The following MACROD2 variants were observed in gnomAD, a reference collection of about 807,000 sequenced individuals.
The protein encoded by MACROD2 is ADP-ribose glycohydrolase MACROD2.
MACROD2 carries 36 observed loss-of-function variants against 70.4 expected under a neutral mutation model. The observed-to-expected ratio is 0.51, with a 90% CI of 0.39 to 0.68. The LOEUF is 0.68. Among genes scored for constraint, MACROD2 ranks in the 30% least tolerant of loss-of-function variants. The pLI, the probability that MACROD2 is intolerant of heterozygous loss-of-function variation, is 0.00. For synonymous variants in MACROD2, 172 were observed against 178.8 expected (o/e 0.96, Z 0.30); for missense variants, 496 against 538.4 (o/e 0.92, Z 0.78).
chr20:14,721,055 G>A lies in MACROD2; in HGVS notation c.418+36096G>A, dbSNP rs987833725. On this transcript the variant is annotated intron_variant, in intron 5 of 17. Coordinates refer to ENST00000684519, the MANE Select transcript of MACROD2 (RefSeq NM_001351661.2). ...GGGTTGCTTGAGCTCGGGAGTTAGC[G>A]ACCAGCCTGGGCAACACGATGAAAC... is the stretch of plus-strand genomic sequence containing the variant. Among the ~76,000 whole-genome samples, 13 of 151,922 alleles carry A rather than the reference G, an allele frequency of 8.6e-5. No homozygotes were observed. In the East Asian group the frequency reaches 1.4e-3, roughly 16 times the overall value.
chr20:14,684,623 C>G (rs2070976449), intron 4 of MACROD2, among the ~76,000 whole-genome samples: 1 of 149,158 alleles, frequency 6.7e-6, no homozygotes, highest in Non-Finnish European at 1.5e-5. Context: ...TATAACCCTT[C>G]TACTTCTGTT....
intron 5 of MACROD2, among the ~76,000 whole-genome samples, chr20:15,003,734 G>T (rs972279934): frequency 1.3e-5 from 2 of 152,094 alleles, no homozygotes; most frequent in African/African-American, 4.8e-5. Flanking sequence ...CTAATGTAAG[G>T]CTACAGGCTG....
intron 3 of MACROD2, among the ~76,000 whole-genome samples, chr20:14,347,059 A>G (rs927759650): frequency 2.6e-5 from 4 of 152,202 alleles, no homozygotes; most frequent in Non-Finnish European, 4.4e-5. Context: ...GTCAGCAACA[A>G]TTTAACCAAT....
At chr20:14,856,418 A>G (rs1392647608) in intron 5 of MACROD2, among the ~76,000 whole-genome samples, 1 of 152,198 alleles carries the variant, frequency 6.6e-6, no homozygotes, top group Non-Finnish European at 1.5e-5. Flanking sequence ...TATAAAAGCT[A>G]TCTGAGCATT....
chr20:15,582,375 G>A (rs2048537374), intron 8 of MACROD2, among the ~76,000 whole-genome samples: 1 of 152,144 alleles, frequency 6.6e-6, no homozygotes, highest in Admixed American at 6.5e-5. Context: ...TAGACCCTGG[G>A]AGGCATGTCA....
At chr20:15,227,823 GTTTTTTTTTTTTT>G (rs59129207) in intron 5 of MACROD2, among the ~76,000 whole-genome samples, 5 of 46,092 alleles carry the variant, frequency 1.1e-4, no homozygotes, top group African/African-American at 2.9e-4. Context: ...AATTTCACCT[GTTTTTTTTTTTTT>G]TTTTTTTTTT....
chr20:15,097,011 C>T (rs1251556732), intron 5 of MACROD2, among the ~76,000 whole-genome samples: 1 of 151,802 alleles, frequency 6.6e-6, no homozygotes, highest in African/African-American at 2.4e-5. Context: ...AGGGTTTCAC[C>T]ACATTGGCCA....
chr20:14,990,052 A>C (rs2074887617), intron 5 of MACROD2, among the ~76,000 whole-genome samples: 2 of 152,090 alleles, frequency 1.3e-5, no homozygotes, highest in South Asian at 4.1e-4. Flanking sequence ...AGTTTTTACA[A>C]GTAGCCGGCA....
At chr20:15,125,550 G>A (rs1176542255) in intron 5 of MACROD2, among the ~76,000 whole-genome samples, 1 of 151,984 alleles carries the variant, frequency 6.6e-6, no homozygotes, top group Non-Finnish European at 1.5e-5. Context: ...TTTCTGCTGA[G>A]GAAAGTAGGG....
At chr20:15,505,058 G>T (rs1175976545) in intron 8 of MACROD2, among the ~76,000 whole-genome samples, 1 of 152,130 alleles carries the variant, frequency 6.6e-6, no homozygotes, top group East Asian at 1.9e-4. Flanking sequence ...CTACCCCAGG[G>T]ACTCATATGG....
At chr20:15,313,448 A>G (rs1195703220) in intron 6 of MACROD2, among the ~76,000 whole-genome samples, 1 of 148,938 alleles carries the variant, frequency 6.7e-6, no homozygotes, top group East Asian at 2.0e-4. Flanking sequence ...CGGATCTTGC[A>G]GTGAGCCAAG....
At chr20:15,321,961 T>G (rs1230714962) in intron 6 of MACROD2, among the ~76,000 whole-genome samples, 1 of 143,086 alleles carries the variant, frequency 7.0e-6, no homozygotes, top group Non-Finnish European at 1.6e-5. Context: ...CCCAGCTAAT[T>G]ATTGTATTTT....
At chr20:14,394,981 T>A (rs936970592) in intron 3 of MACROD2, among the ~76,000 whole-genome samples, 1 of 152,284 alleles carries the variant, frequency 6.6e-6, no homozygotes, top group Admixed American at 6.5e-5. Context: ...AATATATTGT[T>A]GGATATGATT....
At chr20:15,684,739 A>G (rs1038700671) in intron 8 of MACROD2, among the ~76,000 whole-genome samples, 5 of 152,216 alleles carry the variant, frequency 3.3e-5, no homozygotes, top group Non-Finnish European at 5.9e-5. Context: ...GTAGGAGGAG[A>G]TATAGTATGC....
At chr20:14,907,684 A>C (rs2073975689) in intron 5 of MACROD2, among the ~76,000 whole-genome samples, 1 of 152,212 alleles carries the variant, frequency 6.6e-6, no homozygotes, top group African/African-American at 2.4e-5. Flanking sequence ...ATTGTGCAGA[A>C]TTAAGTATGG....
intron 9 of MACROD2, among the ~76,000 whole-genome samples, chr20:15,871,391 T>TAAG (rs2064581562): frequency 6.6e-6 from 1 of 152,142 alleles, no homozygotes; most frequent in African/African-American, 2.4e-5. Flanking sequence ...ACTGATTTTA[T>TAAG]AAGTTTATCT....
At chr20:14,166,676 G>C (rs2148721121) in intron 3 of MACROD2, among the ~76,000 whole-genome samples, 1 of 152,020 alleles carries the variant, frequency 6.6e-6, no homozygotes, top group South Asian at 2.1e-4. Flanking sequence ...AGAGACTTGG[G>C]CTCACCTTCC....
chr20:15,964,149 A>T (rs1321068347), intron 12 of MACROD2, among the ~76,000 whole-genome samples: 3 of 152,252 alleles, frequency 2.0e-5, no homozygotes, highest in Non-Finnish European at 4.4e-5. Context: ...AGAGTTGTAT[A>T]TGCAACTACA....
At chr20:15,220,424 G>A (rs965207396) in intron 5 of MACROD2, among the ~76,000 whole-genome samples, 13 of 152,172 alleles carry the variant, frequency 8.5e-5, no homozygotes, top group African/African-American at 3.1e-4. Context: ...AGTCACTGCA[G>A]GAAAACAGAA....
Sources: gnomAD v4.1 joint callset for allele counts (sites outside exome capture counted in the v4.1 genomes callset) on GRCh38, gnomAD v4.1.1 for gene constraint, MANE v1.5 for transcripts, NCBI Gene and HGNC (gene_info 2026-07-23, HGNC 2026-07-21) for gene names.